Variants in LRRC37A observed in about 807,000 individuals in gnomAD.
The protein encoded by LRRC37A is leucine-rich repeat-containing protein 37A.
Under a neutral mutation model 35.4 loss-of-function variants are expected in LRRC37A, and 3 were observed. The observed-to-expected ratio is 0.08, with a 90% CI of 0.04 to 0.22. LRRC37A has a LOEUF of 0.22. Ranked by LOEUF, LRRC37A falls within the 10% of genes least tolerant of loss-of-function variation. The pLI is 1.00. For synonymous variants in LRRC37A, 23 were observed against 215.0 expected, an observed-to-expected ratio of 0.11 and a Z score of 7.81; for missense variants, 67 against 565.3, an observed-to-expected ratio of 0.12 and a Z score of 8.94.
chr17:46,278,782 A>G, the LRRC37A span, among the ~76,000 whole-genome samples: 2 of 151,640 alleles, frequency 1.3e-5, no homozygotes, highest in Non-Finnish European at 2.9e-5. Flanking sequence ...AAAGTTGAAA[A>G]CCAATGTCAT....
At chr17:46,275,481 C>T in the LRRC37A span, 78 of 693,310 alleles carry the variant, frequency 1.1e-4, no homozygotes, top group Middle Eastern at 2.8e-4. Context: ...ATGCTTTATG[C>T]GGATGCCAAA....
At chr17:46,256,515 C>T in the LRRC37A span, among the ~76,000 whole-genome samples, 1 of 152,196 alleles carries the variant, frequency 6.6e-6, no homozygotes, top group Admixed American at 6.5e-5. Flanking sequence ...CCCTTGCCAG[C>T]ACCCAATTGT....
At chr17:46,271,979 C>T in the LRRC37A span, among the ~76,000 whole-genome samples, 1 of 152,376 alleles carries the variant, frequency 6.6e-6, no homozygotes, top group Non-Finnish European at 1.5e-5. Context: ...TCAGGCAGGT[C>T]TCTAACTCCT....
At chr17:46,286,610 G>C in the LRRC37A span, among the ~76,000 whole-genome samples, 1 of 151,866 alleles carries the variant, frequency 6.6e-6, no homozygotes, top group African/African-American at 2.4e-5. Context: ...CATTCACTAT[G>C]AAGCAAGATA....
the LRRC37A span, among the ~76,000 whole-genome samples, chr17:46,252,034 AT>A: frequency 6.6e-6 from 1 of 152,224 alleles, no homozygotes; most frequent in Non-Finnish European, 1.5e-5. Flanking sequence ...GGAGAAATCC[AT>A]TTCCTCCACA....
chr17:46,266,353 C>T, the LRRC37A span, among the ~76,000 whole-genome samples: 22,032 of 152,022 alleles, frequency 0.14, 2,134 homozygotes, highest in Non-Finnish European at 0.22. Flanking sequence ...AAAGTTTAGG[C>T]TGTGATGCTA....
chr17:46,259,019 A>ATTTT, the LRRC37A span, among the ~76,000 whole-genome samples: 5,836 of 79,094 alleles, frequency 0.074, 1,577 homozygotes, highest in Non-Finnish European at 0.1. Context: ...CACCCGGCCT[A>ATTTT]TTTTTTTTTT....
chr17:46,268,966 G>A, the LRRC37A span, among the ~76,000 whole-genome samples: 2 of 152,356 alleles, frequency 1.3e-5, no homozygotes, highest in South Asian at 2.1e-4. Context: ...CTAGTTAACA[G>A]ATCACTGCTT....
chr17:46,266,550 G>A, the LRRC37A span, among the ~76,000 whole-genome samples: 1 of 152,194 alleles, frequency 6.6e-6, no homozygotes, highest in African/African-American at 2.4e-5. Context: ...ACGCGGGTGT[G>A]GAGAAGGGGT....
Position 46,334,596 on chromosome 17 carries a change from T to C in LRRC37A, c.4810-949T>C, listed in dbSNP as rs1407587841. ...ACAGGCAGGCAGCTAATTTAAAAAATGTGTTCGTAGAGACAAGGTCTTGCT... is the reference window on the plus strand; with the variant it reads ...ACAGGCAGGCAGCTAATTTAAAAAACGTGTTCGTAGAGACAAGGTCTTGCT... On this transcript the variant is annotated intron_variant, in intron 10 of 13. Coordinates refer to ENST00000320254, the Ensembl canonical transcript of LRRC37A. 3 of 40,970 alleles carry C rather than the reference T, an allele frequency of 7.3e-5. No individual in the cohort carries two copies. In the Admixed American group the frequency reaches 8.0e-4, roughly 11 times the overall value. 2.5% of individuals were successfully genotyped at this position (40,970 alleles called of 1,614,324 possible).
the LRRC37A span, among the ~76,000 whole-genome samples, chr17:46,277,253 G>A: frequency 2.0e-5 from 3 of 152,152 alleles, no homozygotes; most frequent in Admixed American, 1.3e-4. Flanking sequence ...TACACTATGC[G>A]GGCCCAGCCT....
chr17:46,280,589 T>TTC, the LRRC37A span, among the ~76,000 whole-genome samples: 1 of 149,562 alleles, frequency 6.7e-6, no homozygotes, highest in Non-Finnish European at 1.5e-5. Context: ...TTTTTTTTTT[T>TTC]CCTGAGCAGA....
chr17:46,261,293 T>C, the LRRC37A span, among the ~76,000 whole-genome samples: 1 of 152,230 alleles, frequency 6.6e-6, no homozygotes, highest in African/African-American at 2.4e-5. Flanking sequence ...TTCCATAGGC[T>C]ATCAGTCTCC....
At chr17:46,265,441 C>CTCCTCCTCCTCT in the LRRC37A span, among the ~76,000 whole-genome samples, 564 of 147,914 alleles carry the variant, frequency 3.8e-3, 6 homozygotes, top group Middle Eastern at 0.028. Flanking sequence ...TCCTCTTCCT[C>CTCCTCCTCCTCT]TCCTCCTCCT....
At chr17:46,272,877 A>G in the LRRC37A span, among the ~76,000 whole-genome samples, 1 of 152,262 alleles carries the variant, frequency 6.6e-6, no homozygotes, top group Non-Finnish European at 1.5e-5. Flanking sequence ...CAGGATTTCC[A>G]TAAAATTTAC....
chr17:46,324,382 C>T (rs1401284362), intron 7 of LRRC37A, among the ~76,000 whole-genome samples: 2 of 83,872 alleles, frequency 2.4e-5, no homozygotes, highest in South Asian at 5.2e-4. Flanking sequence ...TGTTTCTTAC[C>T]TAAGAAATCT....
intron 5 of LRRC37A, among the ~76,000 whole-genome samples, chr17:46,317,282 A>G (rs1238119347): frequency 1.2e-5 from 1 of 81,454 alleles, no homozygotes; most frequent in East Asian, 2.4e-4. Flanking sequence ...TTGAGCCTCA[A>G]GCCTCCCAAG....
intron 5 of LRRC37A, among the ~76,000 whole-genome samples, chr17:46,316,662 G>A (rs1339533063): frequency 3.1e-5 from 2 of 63,966 alleles, no homozygotes; most frequent in African/African-American, 8.1e-5. Context: ...TTCTCGCAGA[G>A]GGGGATTTGG....
At chr17:46,270,185 G>A in the LRRC37A span, among the ~76,000 whole-genome samples, 1 of 152,198 alleles carries the variant, frequency 6.6e-6, no homozygotes, top group African/African-American at 2.4e-5. Context: ...TTGGCCTCAC[G>A]GTGATGCACT....
Sources: allele counts gnomAD v4.1 joint callset (sites outside exome capture counted in the v4.1 genomes callset), GRCh38; gene constraint gnomAD v4.1.1; transcripts MANE v1.5; gene names NCBI Gene and HGNC (gene_info 2026-07-23, HGNC 2026-07-21).